The following PSMA5 variants were observed in gnomAD, a reference collection of about 807,000 sequenced individuals.
The protein encoded by PSMA5 is proteasome 20S subunit alpha 5, also known as proteasome subunit alpha type-5.
In PSMA5, 3 loss-of-function variants were observed where a neutral mutation model predicts 34.5. The ratio of observed to expected loss-of-function variants is 0.09; its 90% CI spans 0.04 to 0.22. PSMA5 has a LOEUF of 0.22. Among genes scored for constraint, PSMA5 ranks in the 10% least tolerant of loss-of-function variants. The probability of loss-of-function intolerance (pLI) is 1.00; values close to 1 mark genes in which losing one functional copy is unlikely to be tolerated. For missense variants in PSMA5, 120 were observed against 286.1 expected, an observed-to-expected ratio of 0.42 and a Z score of 4.19; for synonymous variants, 88 against 95.8, an observed-to-expected ratio of 0.92 and a Z score of 0.47.
At chr1:109,409,894 A>T in intron 8 of PSMA5, 34 bp downstream of exon 8, 1 of 1,507,650 alleles carries the variant, frequency 6.6e-7, no homozygotes, top group Non-Finnish European at 9.1e-7. Context: ...TAAAAAAAAA[A>T]CCGAAAAAAA....
intron 8 of PSMA5, among the ~76,000 whole-genome samples, chr1:109,402,686 CAAA>C (rs1653579731): frequency 6.6e-6 from 1 of 152,198 alleles, no homozygotes; most frequent in African/African-American, 2.4e-5. Context: ...CAAAACTTAA[CAAA>C]AAAGTTTTTT....
rs1356818323 is a variant in PSMA5, at chr1:109,399,417, G to C, written c.*2596C>G. The C allele has an allele frequency of 6.6e-6, 1 of 151,800 alleles. No individual in the cohort carries two copies. The highest frequency in any genetic ancestry group is 1.5e-5 in the Non-Finnish European group (1 of 67,996). 9.4% of individuals were successfully genotyped at this position (151,800 alleles called of 1,614,324 possible). On this transcript the variant is annotated 3_prime_UTR_variant, in exon 9 of 9. Transcript: ENST00000271308. ...TGCCAACTATGGGAGTAGATCACAA[G>C]ACAGTCAGTTCCAGTAGCATGTGAT...
At position 109,401,937 on chromosome 1, in the gene PSMA5, C is replaced by T. The variant is rs1431944792; in HGVS notation, c.*76G>A. 1.7e-6 allele frequency: 2 copies of T among 1,163,904 alleles called. No individual in the cohort carries two copies. The highest frequency in any genetic ancestry group is 3.1e-5 in the African/African-American group (2 of 64,496). 72.1% of individuals were successfully genotyped at this position (1,163,904 alleles called of 1,614,324 possible). ...CATACAATGGAGATTTTCCAAGGAA[C>T]AGGAGCTGGAAATAAAATTTAAGGA... On this transcript the variant is annotated 3_prime_UTR_variant, in exon 9 of 9. Coordinates refer to ENST00000271308, the MANE Select transcript of PSMA5 (RefSeq NM_002790.4).
chr1:109,420,309 A>G (rs529696444), intron 2 of PSMA5, among the ~76,000 whole-genome samples: 1 of 152,240 alleles, frequency 6.6e-6, no homozygotes, highest in Admixed American at 6.5e-5. Context: ...GGTGGGGAGT[A>G]GGGGTGTGGG....
At chr1:109,423,176 C>T (rs556085428) in intron 1 of PSMA5, among the ~76,000 whole-genome samples, 17 of 152,270 alleles carry the variant, frequency 1.1e-4, no homozygotes, top group African/African-American at 3.4e-4. Context: ...TGGTGGCTCA[C>T]GCCTGTAATC....
chr1:109,420,275 C>T (rs1654387639), intron 2 of PSMA5, among the ~76,000 whole-genome samples: 1 of 151,974 alleles, frequency 6.6e-6, no homozygotes, highest in Non-Finnish European at 1.5e-5. Flanking sequence ...CACCCTATCC[C>T]CACCTCAGAA....
chr1:109,412,325 T>A, intron 4 of PSMA5, 141 bp from the exon 5 acceptor site: 1 of 640,976 alleles, frequency 1.6e-6, no homozygotes, highest in Non-Finnish European at 2.8e-6. Context: ...TAACCCTGAG[T>A]ACTTGGGAGT....
intron 2 of PSMA5, among the ~76,000 whole-genome samples, chr1:109,421,171 A>AGT (rs769740202): frequency 5.3e-5 from 8 of 152,178 alleles, no homozygotes; most frequent in Non-Finnish European, 1.2e-4. Context: ...TGGGTGACAG[A>AGT]GTGAGACCCT....
rs956145732 is a variant in PSMA5 at position 109,419,750 on chromosome 1, G to C, written c.96+2110C>G. Among the ~76,000 whole-genome samples, 4 of 142,914 alleles carry C rather than the reference G, an allele frequency of 2.8e-5. No individual in the cohort carries two copies. In the South Asian group the frequency reaches 8.7e-4, roughly 31 times the overall value. 93.8% of individuals were successfully genotyped at this position (142,914 alleles called of 152,430 possible). A position where few individuals can be genotyped will look rare whatever the true frequency, so the allele number is the denominator to read the frequency against. ...GGAGGCAGAGGTTGCAGTGGGCTGA[G>C]ATAGCGCCACTGCACTCCAGCCTGG... On this transcript the variant is annotated intron_variant, in intron 2 of 8. Transcript: ENST00000271308.
At chr1:109,426,092 C>G in intron 1 of PSMA5, 1 of 638,588 alleles carries the variant, frequency 1.6e-6, no homozygotes, top group Non-Finnish European at 2.8e-6. Flanking sequence ...GAGTTAGGAC[C>G]CAGGGGTGAC....
At chr1:109,418,156 G>C (rs1327269965) in intron 2 of PSMA5, among the ~76,000 whole-genome samples, 1 of 152,128 alleles carries the variant, frequency 6.6e-6, no homozygotes, top group Non-Finnish European at 1.5e-5. Flanking sequence ...TGAGGCTGCA[G>C]TGAGCTGTGA....
rs188625234 is a variant in PSMA5 at position 109,400,339 on chromosome 1, C to G, written c.*1674G>C. 1 of 152,192 alleles carries G rather than the reference C, an allele frequency of 6.6e-6. No homozygotes were observed. The highest frequency in any genetic ancestry group is 2.4e-5 in the African/African-American group (1 of 41,450). 9.4% of individuals were successfully genotyped at this position (152,192 alleles called of 1,614,324 possible). A position where few individuals can be genotyped will look rare whatever the true frequency, so the allele number is the denominator to read the frequency against. ...AAGGAATATTGTTTATTGTTTGGCT[C>G]TCCCCACTAGAAGTTTCACAGGAGC... On this transcript the variant is annotated 3_prime_UTR_variant, in exon 9 of 9. Transcript: ENST00000271308.
intron 8 of PSMA5, among the ~76,000 whole-genome samples, chr1:109,408,377 C>A (rs749405932): frequency 2.0e-5 from 3 of 152,192 alleles, no homozygotes; most frequent in Non-Finnish European, 2.9e-5. Flanking sequence ...ATCACCTCTT[C>A]CAAGAAGCTT....
intron 3 of PSMA5, among the ~76,000 whole-genome samples, chr1:109,414,128 C>T (rs1443317733): frequency 6.6e-6 from 1 of 152,208 alleles, no homozygotes; most frequent in African/African-American, 2.4e-5. Context: ...TGGCCCAGGC[C>T]TACAAAACTG....
At chr1:109,421,348 G>A (rs1047089360) in intron 2 of PSMA5, among the ~76,000 whole-genome samples, 7 of 151,906 alleles carry the variant, frequency 4.6e-5, no homozygotes, top group African/African-American at 1.4e-4. Flanking sequence ...GACCAGCCTG[G>A]TGGTACTGGG....
chr1:109,418,545 A>G (rs1654308516), intron 2 of PSMA5, among the ~76,000 whole-genome samples: 2 of 152,160 alleles, frequency 1.3e-5, no homozygotes, highest in Non-Finnish European at 1.5e-5. Flanking sequence ...TTGAACTTCT[A>G]GACTCAAGCA....
chr1:109,410,902 G>T, intron 7 of PSMA5, 109 bp downstream of exon 7: 1 of 782,696 alleles, frequency 1.3e-6, no homozygotes, highest in Non-Finnish European at 2.1e-6. Flanking sequence ...TATTTATCTT[G>T]TTTTGCAATT....
intron 8 of PSMA5, among the ~76,000 whole-genome samples, chr1:109,404,568 C>T (rs1172888794): frequency 2.0e-5 from 3 of 152,116 alleles, no homozygotes; most frequent in Non-Finnish European, 2.9e-5. Context: ...TTAATAATAG[C>T]GTCTGAGCCA....
chr1:109,408,272 A>G (rs1179725778), intron 8 of PSMA5, among the ~76,000 whole-genome samples: 2 of 152,116 alleles, frequency 1.3e-5, no homozygotes, highest in African/African-American at 4.8e-5. Flanking sequence ...AAAACCTCAA[A>G]GTTTCCTTTA....
Sources: gnomAD v4.1 joint callset for allele counts (sites outside exome capture counted in the v4.1 genomes callset) on GRCh38, gnomAD v4.1.1 for gene constraint, MANE v1.5 for transcripts, NCBI Gene and HGNC (gene_info 2026-07-23, HGNC 2026-07-21) for gene names.